The following ATG4B variants were observed in gnomAD, a reference collection of about 807,000 sequenced individuals.
The protein encoded by ATG4B is autophagy related 4B cysteine peptidase.
Under a neutral mutation model 56.6 loss-of-function variants are expected in ATG4B, and 29 were observed. That is an observed-to-expected ratio of 0.51 (90% CI 0.38 to 0.70). The LOEUF (loss-of-function observed/expected upper bound fraction) is 0.70. Among genes scored for constraint, ATG4B ranks in the 30% least tolerant of loss-of-function variants. The probability of loss-of-function intolerance (pLI) is 0.00; values close to 1 mark genes in which losing one functional copy is unlikely to be tolerated. For synonymous variants in ATG4B, 224 were observed against 206.1 expected, an observed-to-expected ratio of 1.09 and a Z score of -0.74; for missense variants, 461 against 515.5, an observed-to-expected ratio of 0.89 and a Z score of 1.02.
rs1028860976 is a variant in ATG4B at position 241,673,565 on chromosome 2, C to T, written c.*1301C>T. The T allele has an allele frequency of 2.2e-6, 1 of 452,898 alleles. No homozygotes were observed. Among genetic ancestry groups the T allele is most frequent in the Non-Finnish European group, 4.4e-6 (1 of 226,282 alleles). 28.1% of individuals were successfully genotyped at this position (452,898 alleles called of 1,614,324 possible). On this transcript the variant is annotated 3_prime_UTR_variant, in exon 13 of 13. Coordinates refer to ENST00000404914, the MANE Select transcript of ATG4B (RefSeq NM_013325.5). ...ACCTGGTAGCAGAGGACACCCCCAG[C>T]CCCCCAAGCATTGAAGACATAGTGT...
In ATG4B at chr2:241,668,076, T is replaced by G; in HGVS notation, c.733-67T>G. 6.7e-7 allele frequency: 1 copy of G among 1,499,774 alleles called. No homozygotes were observed. Among genetic ancestry groups the G allele is most frequent in the Non-Finnish European group, 9.1e-7 (1 of 1,104,550 alleles). 92.9% of individuals were successfully genotyped at this position (1,499,774 alleles called of 1,614,324 possible). The stretch of plus-strand genomic sequence containing the variant: ...CCTCAGCAGGCCCTTGGGCCCCCTA[T>G]GGCAGTGGGTGGGGGGACCGTCTGC... On this transcript the variant is annotated intron_variant, in intron 8 of 12. Transcript: ENST00000404914. This position sits in a 1 kb window ranked among gnomAD's most constrained non-coding sequence, Gnocchi z 4.2.
Position 241,673,850 on chromosome 2 carries a change from A to C in ATG4B, c.*1586A>C, listed in dbSNP as rs189936932. On this transcript the variant is annotated 3_prime_UTR_variant, in exon 13 of 13. Coordinates refer to ENST00000404914, the MANE Select transcript of ATG4B (RefSeq NM_013325.5). ...AATGGCAAATAATAAGTTTCAGTAG[A>C]AAACAAACCTTGTGTCTATTTTTTC... 7.3e-6 allele frequency: 3 copies of C among 411,602 alleles called. No homozygotes were observed. In the East Asian group the frequency reaches 2.2e-4, roughly 30 times the overall value. The allele number at this position is 411,602 out of a possible 1,614,324, so 25.5% of individuals were successfully genotyped here. A position where few individuals can be genotyped will look rare whatever the true frequency, so the allele number is the denominator to read the frequency against.
rs200143016 is a variant in ATG4B, at chr2:241,643,694, T to TC, written c.10+5981dup. On this transcript the variant is annotated intron_variant, in intron 1 of 12. Transcript: ENST00000404914. ...TGTGTGTGTGTGTATGTATATATTT[T>TC]CCCCCCCCCCCGTCGTCCAGGCTGG... Among the ~76,000 whole-genome samples, 650 of 121,884 alleles carry TC rather than the reference T, an allele frequency of 5.3e-3. 7 individuals are homozygous for TC. The highest frequency in any genetic ancestry group is 0.016 in the Middle Eastern group (3 of 184). The allele number at this position is 121,884 out of a possible 152,430, so 80.0% of individuals were successfully genotyped here.
At chr2:241,663,499 T>C (rs1266025679) in intron 7 of ATG4B, among the ~76,000 whole-genome samples, 1 of 152,196 alleles carries the variant, frequency 6.6e-6, no homozygotes, top group Non-Finnish European at 1.5e-5. Context: ...CGTAACTATG[T>C]ATCTGAACCT....
At chr2:241,655,507 A>G (rs931471779) in intron 6 of ATG4B, 164 bp downstream of exon 6, 23 of 677,202 alleles carry the variant, frequency 3.4e-5, no homozygotes, top group Non-Finnish European at 5.5e-5. Context: ...GGTCTTGTGA[A>G]TAGGAATTTA....
intron 1 of ATG4B, among the ~76,000 whole-genome samples, chr2:241,642,906 A>C (rs2067944274): frequency 1.1e-5 from 1 of 90,230 alleles, no homozygotes; most frequent in African/African-American, 5.2e-5. Flanking sequence ...TTTAAGACGG[A>C]GTCTCACTGT....
chr2:241,659,398 G>C (rs1158011101), intron 7 of ATG4B: 3 of 648,970 alleles, frequency 4.6e-6, no homozygotes, highest in Admixed American at 2.1e-5. Context: ...AGCCCAGGCT[G>C]TCTGGAGGCC....
rs2068554260 is a variant in ATG4B at position 241,660,355 on chromosome 2, TC to T, written c.538+1169del. Among the ~76,000 whole-genome samples the T allele has an allele frequency of 4.6e-5, 7 of 152,264 alleles. No homozygotes were observed. The South Asian group carries it at 1.5e-3, about 32-fold the overall frequency. On this transcript the variant is annotated intron_variant, in intron 7 of 12. Coordinates refer to ENST00000404914, the MANE Select transcript of ATG4B (RefSeq NM_013325.5). ...CCTGCCTCTCCATTCTGTTTCTTCA[TC>T]GTCTGGCCATCCTCGGGGGCATTGT... is the stretch of plus-strand genomic sequence containing the variant.
chr2:241,665,555 T>G (rs2068736762), intron 7 of ATG4B, among the ~76,000 whole-genome samples: 1 of 152,208 alleles, frequency 6.6e-6, no homozygotes, highest in East Asian at 1.9e-4. Flanking sequence ...ACACGCTGGA[T>G]TTGTCTGCTT....
At chr2:241,646,944 G>A (rs1009237089) in intron 1 of ATG4B, among the ~76,000 whole-genome samples, 5 of 151,932 alleles carry the variant, frequency 3.3e-5, no homozygotes, top group Non-Finnish European at 5.9e-5. Context: ...CACCATGCCC[G>A]AGTAACTTTT....
At chr2:241,646,865 C>T (rs1315121511) in intron 1 of ATG4B, among the ~76,000 whole-genome samples, 17 of 151,630 alleles carry the variant, frequency 1.1e-4, no homozygotes, top group Non-Finnish European at 1.0e-4. Flanking sequence ...TCACTGCAGC[C>T]TCCGCCTCCT....
chr2:241,644,835 G>C (rs1198563803), intron 1 of ATG4B, among the ~76,000 whole-genome samples: 1 of 151,920 alleles, frequency 6.6e-6, no homozygotes, highest in African/African-American at 2.4e-5. Flanking sequence ...TGTAATCCCA[G>C]CTACTCGGGA....
chr2:241,645,505 A>C (rs35851376), intron 1 of ATG4B, among the ~76,000 whole-genome samples: 1 of 151,988 alleles, frequency 6.6e-6, no homozygotes, highest in African/African-American at 2.4e-5. Flanking sequence ...TGATCTGAGA[A>C]GGCTGGCCCT....
intron 7 of ATG4B, among the ~76,000 whole-genome samples, chr2:241,663,870 C>G (rs1243209102): frequency 6.7e-6 from 1 of 150,330 alleles, no homozygotes; most frequent in Admixed American, 6.6e-5. Context: ...GCAGTGGTGG[C>G]ACGATCTTGG....
chr2:241,637,939 C>T (rs1217492923), intron 1 of ATG4B, among the ~76,000 whole-genome samples: 2 of 151,526 alleles, frequency 1.3e-5, no homozygotes, highest in African/African-American at 4.8e-5. Context: ...CGCCGCGGAA[C>T]CCGCCGTCGG....
rs758198185 is a variant in ATG4B, at chr2:241,651,636, G to A, written c.184+301G>A. ...TGTAGGACAGAATGTCATAGAAAGC[G>A]GTGTGTGTCCGCCACGGGCACGCAG... On this transcript the variant is annotated intron_variant, in intron 3 of 12. Transcript: ENST00000404914. The surrounding 1 kb of genome is among the most constrained non-coding windows in gnomAD (Gnocchi z 4.1). Among the ~76,000 whole-genome samples the A allele has an allele frequency of 1.2e-4, 19 of 152,220 alleles. No individual in the cohort carries two copies. The highest frequency in any genetic ancestry group is 2.4e-4 in the African/African-American group (10 of 41,454).
chr2:241,637,786 C>T (rs2067715406), intron 1 of ATG4B, 62 bp downstream of exon 1: 8 of 1,497,704 alleles, frequency 5.3e-6, no homozygotes, highest in East Asian at 2.7e-5. Context: ...TTGGCCTCCC[C>T]TGCTCGGGTC....
intron 7 of ATG4B, among the ~76,000 whole-genome samples, chr2:241,660,016 C>T (rs1222420868): frequency 6.6e-6 from 1 of 152,112 alleles, no homozygotes; most frequent in Non-Finnish European, 1.5e-5. Context: ...ATGGTGAAAC[C>T]CCGTCTCTAC....
chr2:241,649,626 G>A (rs2068168780), intron 1 of ATG4B, among the ~76,000 whole-genome samples: 1 of 152,198 alleles, frequency 6.6e-6, no homozygotes, highest in Admixed American at 6.5e-5. Context: ...TGGGCATCTC[G>A]CCACATGGGT....
Sources: gnomAD v4.1 joint callset for allele counts (sites outside exome capture counted in the v4.1 genomes callset) on GRCh38, gnomAD v4.1.1 for gene constraint, Gnocchi (gnomAD v3.1) non-coding constraint, MANE v1.5 for transcripts, NCBI Gene and HGNC (gene_info 2026-07-23, HGNC 2026-07-21) for gene names.